Variants in ASIC2 observed in about 807,000 individuals in gnomAD.
ASIC2 encodes the protein acid-sensing ion channel 2.
ASIC2 carries 25 observed loss-of-function variants against 57.3 expected under a neutral mutation model. That is an observed-to-expected ratio of 0.44 (90% confidence interval 0.32 to 0.61). ASIC2 has a LOEUF of 0.61. ASIC2 is among the 20% of genes least tolerant of loss of function. The probability of loss-of-function intolerance (pLI) is 0.06; values close to 1 mark genes in which losing one functional copy is unlikely to be tolerated. For synonymous variants in ASIC2, 319 were observed against 307.5 expected (o/e 1.04, Z -0.39); for missense variants, 641 against 738.1 (o/e 0.87, Z 1.52).
At chr17:33,512,229 G>A (rs912604036) in intron 1 of ASIC2, among the ~76,000 whole-genome samples, 1 of 152,206 alleles carries the variant, frequency 6.6e-6, no homozygotes, top group African/African-American at 2.4e-5. Flanking sequence ...TATGCTGAAA[G>A]AGAAGCATCT....
chr17:33,738,277 C>T (rs1053366965), intron 1 of ASIC2, among the ~76,000 whole-genome samples: 1 of 152,160 alleles, frequency 6.6e-6, no homozygotes, highest in African/African-American at 2.4e-5. Flanking sequence ...AGCTCACCAC[C>T]CCATTAGAAA....
chr17:34,029,322 AT>A (rs922086193), intron 1 of ASIC2, among the ~76,000 whole-genome samples: 107 of 151,318 alleles, frequency 7.1e-4, no homozygotes, highest in African/African-American at 2.5e-3. Context: ...CAAAGTAGAC[AT>A]TCAATAAATG....
intron 1 of ASIC2, among the ~76,000 whole-genome samples, chr17:33,129,172 C>A (rs985112446): frequency 1.3e-5 from 2 of 152,224 alleles, no homozygotes; most frequent in Non-Finnish European, 2.9e-5. Context: ...ATAGAGCCAG[C>A]ATCCCAGAAA....
chr17:33,304,912 G>A (rs147520763), intron 1 of ASIC2, among the ~76,000 whole-genome samples: 1 of 152,170 alleles, frequency 6.6e-6, no homozygotes, highest in East Asian at 1.9e-4. Context: ...AAGGGCCTGA[G>A]CATTTTCTCC....
At chr17:33,869,865 G>A (rs1597909550) in intron 1 of ASIC2, among the ~76,000 whole-genome samples, 2 of 152,306 alleles carry the variant, frequency 1.3e-5, no homozygotes, top group South Asian at 2.1e-4. Flanking sequence ...ATTGCACTGT[G>A]CACTTTAAAT....
intron 1 of ASIC2, among the ~76,000 whole-genome samples, chr17:33,726,036 C>T (rs1313780278): frequency 6.6e-6 from 1 of 152,204 alleles, no homozygotes; most frequent in Non-Finnish European, 1.5e-5. Context: ...AGCTGCATCT[C>T]TCAAGACTCT....
Position 33,042,850 on chromosome 17 carries a change from C to T in ASIC2, c.988-14458G>A, listed in dbSNP as rs570898288. 2.6e-5 allele frequency among the ~76,000 whole-genome samples: 4 copies of T among 152,246 alleles called. No individual in the cohort carries two copies. The South Asian group carries it at 8.3e-4, about 32-fold the overall frequency. ...AGATAGGGATATGAGTTCTTCAGAC[C>T]CCAATATGGGAAACATTGCATAGAT... On this transcript the variant is annotated intron_variant, in intron 3 of 9. Coordinates refer to ENST00000225823, the MANE Select transcript of ASIC2 (RefSeq NM_183377.2).
At position 33,369,255 on chromosome 17, in the gene ASIC2, A is replaced by C. The variant is rs114202448; in HGVS notation, c.556-257188T>G. Among the ~76,000 whole-genome samples the C allele has an allele frequency of 2.0e-3, 310 of 152,312 alleles. 1 individual carries two copies. The highest frequency in any genetic ancestry group is 7.1e-3 in the African/African-American group (295 of 41,566). On this transcript the variant is annotated intron_variant, in intron 1 of 9. Coordinates refer to the ASIC2 transcript ENST00000359872. ...GACTCTGACACATGGAGAGCCAGTA[A>C]GAGTTAAAAGCAGAGTATTTCTCTA...
At chr17:33,949,669 A>G (rs1451304142) in intron 1 of ASIC2, among the ~76,000 whole-genome samples, 2 of 152,140 alleles carry the variant, frequency 1.3e-5, no homozygotes, top group African/African-American at 4.8e-5. Flanking sequence ...TTGCCAGACT[A>G]ATTGGACAGA....
chr17:33,878,786 A>G (rs1362574686), intron 1 of ASIC2, among the ~76,000 whole-genome samples: 2 of 152,160 alleles, frequency 1.3e-5, no homozygotes, highest in Non-Finnish European at 2.9e-5. Flanking sequence ...GAGAAGAGCA[A>G]CTCCAAGACA....
rs1474305138 is a variant in ASIC2 at position 34,005,902 on chromosome 17, GA to G, written c.555+150075del. The G allele has an allele frequency of 2.0e-5, 3 of 152,300 alleles. No homozygotes were observed. In the East Asian group the frequency reaches 5.8e-4, roughly 29 times the overall value. The allele number at this position is 152,300 out of a possible 1,614,324, so 9.4% of individuals were successfully genotyped here. A position where few individuals can be genotyped will look rare whatever the true frequency, so the allele number is the denominator to read the frequency against. On this transcript the variant is annotated intron_variant, in intron 1 of 9. Coordinates refer to the ASIC2 transcript ENST00000359872. The stretch of plus-strand genomic sequence containing the variant: ...TCTTTGAAAGCAAAGACCTTCATCT[GA>G]GTCATGTTTGCATTGCTGGAGCCCT...
intron 1 of ASIC2, among the ~76,000 whole-genome samples, chr17:33,628,825 T>C (rs866285213): frequency 2.6e-5 from 4 of 152,230 alleles, no homozygotes; most frequent in South Asian, 2.1e-4. Flanking sequence ...AATTTATCAA[T>C]GCCAATGTTC....
At chr17:33,084,445 A>T (rs995626637) in intron 3 of ASIC2, among the ~76,000 whole-genome samples, 1 of 152,242 alleles carries the variant, frequency 6.6e-6, no homozygotes, top group Non-Finnish European at 1.5e-5. Flanking sequence ...TTCCTGAGTT[A>T]CAACTGTGCA....
chr17:34,029,920 A>C (rs1178670948), intron 1 of ASIC2, among the ~76,000 whole-genome samples: 1 of 152,214 alleles, frequency 6.6e-6, no homozygotes, highest in Non-Finnish European at 1.5e-5. Flanking sequence ...CCCATTTTCA[A>C]GACACAACAG....
At chr17:33,483,637 A>G (rs1913486253) in intron 1 of ASIC2, among the ~76,000 whole-genome samples, 1 of 152,190 alleles carries the variant, frequency 6.6e-6, no homozygotes, top group African/African-American at 2.4e-5. Flanking sequence ...TGAAGTCAGG[A>G]GAAAGACTTT....
At chr17:33,669,753 T>A (rs376339211) in intron 1 of ASIC2, among the ~76,000 whole-genome samples, 15 of 152,092 alleles carry the variant, frequency 9.9e-5, no homozygotes, top group African/African-American at 3.6e-4. Context: ...TTGGTGAGAT[T>A]TCATGTTTGG....
At chr17:33,908,480 G>C in intron 1 of ASIC2, among the ~76,000 whole-genome samples, 1 of 152,194 alleles carries the variant, frequency 6.6e-6, no homozygotes, top group Middle Eastern at 3.2e-3. Flanking sequence ...CAGATGGTGA[G>C]AAAGATAAAA....
intron 3 of ASIC2, among the ~76,000 whole-genome samples, chr17:33,081,810 T>C (rs2092114107): frequency 6.6e-6 from 1 of 152,198 alleles, no homozygotes; most frequent in Admixed American, 6.5e-5. Context: ...ATGGTGGGAT[T>C]CCCTTCAAAT....
intron 1 of ASIC2, among the ~76,000 whole-genome samples, chr17:33,264,122 T>C (rs182030438): frequency 6.6e-6 from 1 of 152,328 alleles, no homozygotes; most frequent in East Asian, 1.9e-4. Flanking sequence ...GTGCAATCAA[T>C]CTGCAGAGGC....
Sources: gnomAD v4.1 joint callset for allele counts (sites outside exome capture counted in the v4.1 genomes callset) on GRCh38, gnomAD v4.1.1 for gene constraint, MANE v1.5 for transcripts, NCBI Gene and HGNC (gene_info 2026-07-23, HGNC 2026-07-21) for gene names.